Variants in SOX10 observed in about 807,000 individuals in gnomAD.
The protein encoded by SOX10 is SRY-box transcription factor 10.
A neutral mutation model predicts 35.0 loss-of-function variants in SOX10; 3 were observed. That is an observed-to-expected ratio of 0.09 (90% CI 0.04 to 0.22). SOX10 has a LOEUF of 0.22. Among genes scored for constraint, SOX10 ranks in the 10% least tolerant of loss-of-function variants. SOX10 has a pLI of 1.00. For synonymous variants in SOX10, 285 were observed against 291.0 expected (o/e 0.98, Z 0.21); for missense variants, 436 against 655.1 (o/e 0.67, Z 3.65).
intron 3 of SOX10, among the ~76,000 whole-genome samples, chr22:37,976,320 T>G (rs1246871898): frequency 1.3e-5 from 2 of 152,216 alleles, no homozygotes; most frequent in South Asian, 4.1e-4. Flanking sequence ...CTCAGCCTCC[T>G]GTGTAGCTGG....
Position 37,983,342 on chromosome 22 carries a change from C to CGGTGG in SOX10, c.428+14_428+15insCCACC. The CGGTGG allele has an allele frequency of 3.1e-6, 5 of 1,600,104 alleles. No individual in the cohort carries two copies. The highest frequency in any genetic ancestry group is 4.3e-6 in the Non-Finnish European group (5 of 1,174,954). On this transcript the variant is annotated intron_variant, in intron 2 of 3. Transcript: ENST00000396884. The surrounding 1 kb of genome is among the most constrained non-coding windows in gnomAD (Gnocchi z 9.5). ...AGCTAGAGGGCCCGAGCCCGGGGGG[C>CGGTGG]GGTCGGGTGCTCACCTCCAGAGCTT...
chr22:37,983,383 G>C lies in SOX10; in HGVS notation c.402C>G (p.Leu134=). 1 of 1,609,742 alleles carries C rather than the reference G, an allele frequency of 6.2e-7. No homozygotes were observed. The highest frequency in any genetic ancestry group is 8.5e-7 in the Non-Finnish European group (1 of 1,178,824). Residue 134 remains leucine (L), a synonymous_variant, in exon 2 of 4, where the codon CTC becomes CTG. Transcript: ENST00000396884. This position sits in a 1 kb window ranked among gnomAD's most constrained non-coding sequence, Gnocchi z 9.5. ...DQYPHLHNAE[L]SKTLGKLWRL... ...TCCAGAGCTTGCCCAGCGTCTTGCT[G>C]AGCTCAGCGTTGTGCAGGTGCGGGT...
Position 37,978,204 on chromosome 22 carries a change from G to A in SOX10, c.429-69C>T, listed in dbSNP as rs1932283415. ...GTGAATGCCAGAGCACTCCAGGTTGGCCTCCCTCTGAGTGTCCATCTTGGA... is the reference window on the plus strand; with the variant it reads ...GTGAATGCCAGAGCACTCCAGGTTGACCTCCCTCTGAGTGTCCATCTTGGA... On this transcript the variant is annotated intron_variant, in intron 2 of 3. Transcript: ENST00000396884. The surrounding 1 kb of genome is among the most constrained non-coding windows in gnomAD (Gnocchi z 5.0). 4.9e-6 allele frequency: 7 copies of A among 1,437,044 alleles called. No homozygotes were observed. In the South Asian group the frequency reaches 7.2e-5, roughly 15 times the overall value. The allele number at this position is 1,437,044 out of a possible 1,614,324, so 89.0% of individuals were successfully genotyped here.
intron 2 of SOX10, among the ~76,000 whole-genome samples, chr22:37,982,881 C>G (rs1355354138): frequency 6.6e-6 from 1 of 152,232 alleles, no homozygotes; most frequent in Non-Finnish European, 1.5e-5. Flanking sequence ...TCCAAAGACT[C>G]TCATCTGAAT....
Position 37,977,931 on chromosome 22 carries a change from G to C in SOX10, c.633C>G (p.His211Gln), listed in dbSNP as rs1932271323. Residue 211 changes from histidine to glutamine, a missense_variant, in exon 3 of 4, where the codon CAC becomes CAG. This residue lies in a region of SOX10 where 285 missense variants were observed against 402.9 expected (regional missense o/e 0.71). Transcript: ENST00000396884. Reference sequence around the variant, plus strand: ...CCTCTCCTGGGTGCCGGTGGTCCAAGTGGGCGCTCTTGTAGTGGGCCTGGA... The same window carrying C: ...CCTCTCCTGGGTGCCGGTGGTCCAACTGGGCGCTCTTGTAGTGGGCCTGGA... ...AAIQAHYKSA[H>Q]LDHRHPGEGS... is the part of the protein sequence containing the mutation. 1.2e-6 allele frequency: 2 copies of C among 1,612,904 alleles called. No homozygotes were observed. The highest frequency in any genetic ancestry group is 1.7e-6 in the Non-Finnish European group (2 of 1,179,912).
rs1286855865 is a variant in SOX10, at chr22:37,973,940, C to T, written c.956G>A (p.Gly319Glu). 4.3e-6 allele frequency: 7 copies of T among 1,610,608 alleles called. No individual in the cohort carries two copies. Among genetic ancestry groups the T allele is most frequent in the Non-Finnish European group, 5.9e-6 (7 of 1,179,924 alleles). Residue 319 changes from glycine to glutamate, a missense_variant, in exon 4 of 4, where the codon GGG becomes GAG. Transcript: ENST00000396884. ...GGCCACGGCCAGGGCACTGCCCAGC[C>T]CATAGCCGGCTGCTGAGTAGCTGCT... ...HVSSYSAAGY[G>E]LGSALAVASG...
intron 2 of SOX10, among the ~76,000 whole-genome samples, chr22:37,979,714 G>A (rs541931081): frequency 6.6e-6 from 1 of 152,252 alleles, no homozygotes; most frequent in Admixed American, 6.5e-5. Context: ...CTTAGGCCAG[G>A]GTTGGAGGGT....
At chr22:37,976,042 G>A (rs1932210319) in intron 3 of SOX10, among the ~76,000 whole-genome samples, 1 of 152,070 alleles carries the variant, frequency 6.6e-6, no homozygotes, top group Non-Finnish European at 1.5e-5. Context: ...GGCCAACACG[G>A]TGAAAAACCA....
Position 37,973,908 on chromosome 22 carries a change from G to A in SOX10, c.988C>T (p.His330Tyr). Residue 330 changes from histidine (H) to tyrosine (Y), a missense_variant, in exon 4 of 4, where the codon CAC becomes TAC. Coordinates refer to ENST00000396884, the MANE Select transcript of SOX10 (RefSeq NM_006941.4). ...GGTGGCTTGGAGATCCAGGCGGAGTGTCCACTGGCCACGGCCAGGGCACTG... is the reference window on the plus strand; with the variant it reads ...GGTGGCTTGGAGATCCAGGCGGAGTATCCACTGGCCACGGCCAGGGCACTG... ...LGSALAVASG[H>Y]SAWISKPPGV... The A allele has an allele frequency of 6.2e-7, 1 of 1,610,312 alleles. No homozygotes were observed. The highest frequency in any genetic ancestry group is 8.5e-7 in the Non-Finnish European group (1 of 1,179,872).
chr22:37,983,827 CG>C lies in SOX10; in HGVS notation c.-44del, dbSNP rs763574758. ...CCGCCGCCGCCTCGGCCGCCTCCCC[CG>C]GGCCAGCCGCCGGGGTCCTCGCAAA... is the stretch of plus-strand genomic sequence containing the variant. On this transcript the variant is annotated 5_prime_UTR_variant, in exon 2 of 4. Coordinates refer to ENST00000396884, the MANE Select transcript of SOX10 (RefSeq NM_006941.4). The surrounding 1 kb of genome is among the most constrained non-coding windows in gnomAD (Gnocchi z 9.5). 1 of 1,363,140 alleles carries C rather than the reference CG, an allele frequency of 7.3e-7. No individual in the cohort carries two copies. The highest frequency in any genetic ancestry group is 9.5e-7 in the Non-Finnish European group (1 of 1,058,120). The allele number at this position is 1,363,140 out of a possible 1,614,324, so 84.4% of individuals were successfully genotyped here.
At chr22:37,975,645 AG>A (rs1259526873) in intron 3 of SOX10, among the ~76,000 whole-genome samples, 2 of 152,206 alleles carry the variant, frequency 1.3e-5, no homozygotes, top group Admixed American at 6.5e-5. Context: ...GGCAGCGCCA[AG>A]TCCTGCATTG....
rs773597882 is a variant in SOX10 at position 37,973,664 on chromosome 22, T to C, written c.1232A>G (p.Tyr411Cys). 1.2e-6 allele frequency: 2 copies of C among 1,613,612 alleles called. No individual in the cohort carries two copies. The highest frequency in any genetic ancestry group is 1.1e-5 in the South Asian group (1 of 91,076). Residue 411 changes from tyrosine to cysteine, a missense_variant, in exon 4 of 4, where the codon TAT becomes TGT. Around this residue, in one of 3 missense-constraint regions of SOX10, gnomAD observed 285 missense variants for 402.9 expected, o/e 0.71. Coordinates refer to ENST00000396884, the MANE Select transcript of SOX10 (RefSeq NM_006941.4). ...AGAGGCCTGGCCCGAGTGGCCATAA[T>C]AGGGTCCTGAGGGCTGATGGTCAGA... ...DYSDHQPSGP[Y>C]YGHSGQASGL...
intron 3 of SOX10, 125 bp downstream of exon 3, chr22:37,977,742 T>C: frequency 4.7e-6 from 5 of 1,070,072 alleles, no homozygotes; most frequent in Non-Finnish European, 5.4e-6. Flanking sequence ...CCCCTGCAGC[T>C]CTGCTGGGGC....
Position 37,983,788 on chromosome 22 carries a change from GC to G in SOX10, c.-5del. The G allele has an allele frequency of 1.7e-5, 25 of 1,432,730 alleles. No individual in the cohort carries two copies. The highest frequency in any genetic ancestry group is 5.0e-5 in the Admixed American group (2 of 40,120). 88.8% of individuals were successfully genotyped at this position (1,432,730 alleles called of 1,614,324 possible). A position where few individuals can be genotyped will look rare whatever the true frequency, so the allele number is the denominator to read the frequency against. On this transcript the variant is annotated 5_prime_UTR_variant, in exon 2 of 4. Transcript: ENST00000396884. This position sits in a 1 kb window ranked among gnomAD's most constrained non-coding sequence, Gnocchi z 9.5. Reference sequence around the variant, plus strand: ...ATAGGTCCTGCTCCTCCGCCATGTCGCCCCCGGCCGCCGCCGCCGCCGCCTC... The same window carrying G: ...ATAGGTCCTGCTCCTCCGCCATGTCGCCCCGGCCGCCGCCGCCGCCGCCTC...
Position 37,980,475 on chromosome 22 carries a change from T to C in SOX10, c.429-2340A>G, listed in dbSNP as rs1444560642. Among the ~76,000 whole-genome samples, 1 of 152,092 alleles carries C rather than the reference T, an allele frequency of 6.6e-6. No individual in the cohort carries two copies. The highest frequency in any genetic ancestry group is 1.5e-5 in the Non-Finnish European group (1 of 68,016). On this transcript the variant is annotated intron_variant, in intron 2 of 3. Transcript: ENST00000396884. The surrounding 1 kb of genome is among the most constrained non-coding windows in gnomAD (Gnocchi z 4.1). ...TACCTCCTAAGCTAGTTCCCAGCAT[T>C]AGCCTAACCCTGACAGAAATCTAAG...
chr22:37,983,335 CG>C lies in SOX10; in HGVS notation c.428+21del, dbSNP rs776430557. ...CACCCGAAGCTAGAGGGCCCGAGCC[CG>C]GGGGGCGGTCGGGTGCTCACCTCCA... On this transcript the variant is annotated intron_variant, in intron 2 of 3. Transcript: ENST00000396884. This position sits in a 1 kb window ranked among gnomAD's most constrained non-coding sequence, Gnocchi z 9.5. The C allele has an allele frequency of 3.1e-6, 5 of 1,595,902 alleles. No homozygotes were observed. Among genetic ancestry groups the C allele is most frequent in the East Asian group, 2.3e-5 (1 of 44,138 alleles).
intron 3 of SOX10, among the ~76,000 whole-genome samples, chr22:37,976,772 AG>A (rs1386998499): frequency 6.6e-6 from 1 of 152,226 alleles, no homozygotes; most frequent in Non-Finnish European, 1.5e-5. Context: ...ACTAGCACCT[AG>A]CACAGTGCCT....
intron 2 of SOX10, among the ~76,000 whole-genome samples, chr22:37,982,775 A>C (rs1932440766): frequency 6.6e-6 from 1 of 152,114 alleles, no homozygotes; most frequent in Admixed American, 6.5e-5. Context: ...CCCAACTCAA[A>C]GGAGGGTGGC....
Position 37,983,011 on chromosome 22 carries a change from T to C in SOX10, c.428+346A>G, listed in dbSNP as rs539338646. On this transcript the variant is annotated intron_variant, in intron 2 of 3. Transcript: ENST00000396884. The surrounding 1 kb of genome is among the most constrained non-coding windows in gnomAD (Gnocchi z 9.5). ...CTCGTATCCTCCTGACCACAGCAGCTGGTGGCATAGTGTGCGTATCTGTGG... is the reference window on the plus strand; with the variant it reads ...CTCGTATCCTCCTGACCACAGCAGCCGGTGGCATAGTGTGCGTATCTGTGG... 1.3e-5 allele frequency among the ~76,000 whole-genome samples: 2 copies of C among 152,350 alleles called. No individual in the cohort carries two copies. Among genetic ancestry groups the C allele is most frequent in the East Asian group, 1.9e-4 (1 of 5,188 alleles).
Sources: gnomAD v4.1 joint callset for allele counts (sites outside exome capture counted in the v4.1 genomes callset) on GRCh38, gnomAD v4.1.1 for gene constraint, gnomAD v4.1.1 regional missense constraint, Gnocchi (gnomAD v3.1) non-coding constraint, MANE v1.5 for transcripts, NCBI Gene and HGNC (gene_info 2026-07-23, HGNC 2026-07-21) for gene names.